Variants in GLIS3 observed in about 807,000 individuals in gnomAD.
GLIS3 encodes GLIS family zinc finger 3, also known as zinc finger protein GLIS3.
Under a neutral mutation model 78.6 loss-of-function variants are expected in GLIS3, and 53 were observed. That is an observed-to-expected ratio of 0.67 (90% CI 0.54 to 0.85). GLIS3 has a LOEUF of 0.85. Ranked by LOEUF, GLIS3 falls within the 40% of genes least tolerant of loss-of-function variation. The probability of loss-of-function intolerance (pLI) is 0.00; values close to 1 mark genes in which losing one functional copy is unlikely to be tolerated. For synonymous variants in GLIS3, 684 were observed against 509.9 expected, an observed-to-expected ratio of 1.34 and a Z score of -4.60; for missense variants, 1,703 against 1,231.1, an observed-to-expected ratio of 1.38 and a Z score of -5.74.
intron 4 of GLIS3, among the ~76,000 whole-genome samples, chr9:4,306,786 T>C (rs61632820): frequency 0.069 from 10,462 of 152,282 alleles, 402 homozygotes; most frequent in African/African-American, 0.1. Context: ...CATGCTTTCC[T>C]GTCTTCTGTT....
At chr9:3,944,360 T>C (rs910631767) in intron 4 of GLIS3, among the ~76,000 whole-genome samples, 4 of 152,224 alleles carry the variant, frequency 2.6e-5, no homozygotes, top group Admixed American at 2.6e-4. Context: ...ATATCATAAC[T>C]GGGAAAAGAA....
intron 4 of GLIS3, among the ~76,000 whole-genome samples, chr9:4,059,852 GAGAGAGAGAGAGAGAA>G: frequency 6.6e-6 from 1 of 151,404 alleles, no homozygotes; most frequent in African/African-American, 2.4e-5. Flanking sequence ...GAGAGAGAGA[GAGAGAGAGAGAGAGAA>G]AGAGAGAGAC....
At chr9:4,186,420 G>T (rs974258084) in intron 2 of GLIS3, among the ~76,000 whole-genome samples, 124 of 152,010 alleles carry the variant, frequency 8.2e-4, no homozygotes, top group Non-Finnish European at 1.6e-3. Flanking sequence ...TGGGTTGGTT[G>T]CAAGTCTTTG....
intron 4 of GLIS3, among the ~76,000 whole-genome samples, chr9:4,104,468 T>C (rs571520368): frequency 2.0e-5 from 3 of 152,282 alleles, no homozygotes; most frequent in Admixed American, 2.0e-4. Flanking sequence ...GTGCCCTCAA[T>C]TCTAAGAGGT....
intron 9 of GLIS3, among the ~76,000 whole-genome samples, chr9:3,855,015 A>G (rs1819674433): frequency 6.6e-6 from 1 of 152,238 alleles, no homozygotes; most frequent in African/African-American, 2.4e-5. Flanking sequence ...AGCAAGAGGC[A>G]GGTAGAGGAC....
the GLIS3 span, among the ~76,000 whole-genome samples, chr9:4,430,478 A>G: frequency 1.3e-5 from 2 of 152,260 alleles, no homozygotes; most frequent in Non-Finnish European, 2.9e-5. Flanking sequence ...TCTTTCGTGC[A>G]AAATATTTGG....
chr9:4,278,472 G>C (rs1827226424), intron 2 of GLIS3, among the ~76,000 whole-genome samples: 1 of 152,082 alleles, frequency 6.6e-6, no homozygotes, highest in African/African-American at 2.4e-5. Flanking sequence ...GGCTCCCACT[G>C]GTCAAATTTG....
intron 4 of GLIS3, among the ~76,000 whole-genome samples, chr9:3,956,028 C>CAAAAAAAAA (rs5896037): frequency 2.2e-4 from 19 of 87,584 alleles, no homozygotes; most frequent in African/African-American, 4.1e-4. Context: ...CCAGATTCAG[C>CAAAAAAAAA]AAAAAAAAAA....
chr9:4,192,006 C>T (rs1353287342), intron 2 of GLIS3, among the ~76,000 whole-genome samples: 1 of 151,972 alleles, frequency 6.6e-6, no homozygotes, highest in Non-Finnish European at 1.5e-5. Context: ...GTCTATATAT[C>T]TTTACATTTG....
At chr9:4,231,488 G>C (rs775651595) in intron 2 of GLIS3, among the ~76,000 whole-genome samples, 1 of 152,178 alleles carries the variant, frequency 6.6e-6, no homozygotes, top group Admixed American at 6.5e-5. Context: ...TATTTGGAGA[G>C]ATCTTCCAGA....
intron 6 of GLIS3, among the ~76,000 whole-genome samples, chr9:3,913,832 G>C (rs188068920): frequency 6.6e-6 from 1 of 152,198 alleles, no homozygotes; most frequent in Admixed American, 6.5e-5. Context: ...CAACCCTTGA[G>C]TGTTTGATCA....
chr9:3,999,168 T>G (rs567212327), intron 4 of GLIS3, among the ~76,000 whole-genome samples: 1 of 152,322 alleles, frequency 6.6e-6, no homozygotes, highest in Non-Finnish European at 1.5e-5. Flanking sequence ...GCCATGGTAA[T>G]TGAACCAATC....
chr9:3,853,299 G>A (rs1819549300), intron 9 of GLIS3, among the ~76,000 whole-genome samples: 1 of 152,148 alleles, frequency 6.6e-6, no homozygotes, highest in Admixed American at 6.5e-5. Flanking sequence ...AAAGAAATGT[G>A]GAAGAAGAGT....
upstream of GLIS3, among the ~76,000 whole-genome samples, chr9:4,302,663 G>A (rs1038462695): frequency 1.3e-5 from 2 of 152,212 alleles, no homozygotes; most frequent in Admixed American, 1.3e-4. Context: ...GAGAGTCAGA[G>A]ACAGAGCCAA....
intron 2 of GLIS3, among the ~76,000 whole-genome samples, chr9:4,162,225 T>A (rs944021217): frequency 6.6e-6 from 1 of 152,216 alleles, no homozygotes; most frequent in African/African-American, 2.4e-5. Flanking sequence ...CTTCTTTTTT[T>A]AAGAACATCA....
At chr9:4,330,649 G>A (rs78593272) in intron 2 of GLIS3, among the ~76,000 whole-genome samples, 1,686 of 82,220 alleles carry the variant, frequency 0.021, 52 homozygotes, top group East Asian at 0.047. Context: ...AGAGGTGGAG[G>A]TGAAGGTTGA....
chr9:3,967,642 C>A (rs189890758), intron 4 of GLIS3, among the ~76,000 whole-genome samples: 2 of 152,314 alleles, frequency 1.3e-5, no homozygotes, highest in East Asian at 3.9e-4. Flanking sequence ...TACATCAATA[C>A]TACAGACTGT....
chr9:4,209,574 A>T (rs10814882), intron 2 of GLIS3, among the ~76,000 whole-genome samples: 103,846 of 151,970 alleles, frequency 0.68, 36,480 homozygotes, highest in African/African-American at 0.85. Context: ...TGGACTCTTA[A>T]AAATCACAGT....
the GLIS3 span, among the ~76,000 whole-genome samples, chr9:4,424,268 C>G: frequency 6.6e-6 from 1 of 152,194 alleles, no homozygotes; most frequent in African/African-American, 2.4e-5. Flanking sequence ...TGACCCCAAC[C>G]TGTTTTCACT....
Sources: gnomAD v4.1 joint callset for allele counts (sites outside exome capture counted in the v4.1 genomes callset) on GRCh38, gnomAD v4.1.1 for gene constraint, MANE v1.5 for transcripts, NCBI Gene and HGNC (gene_info 2026-07-23, HGNC 2026-07-21) for gene names.